MACF1: variants seen among roughly 807,000 people sequenced by gnomAD.
The protein encoded by MACF1 is microtubule-actin cross-linking factor 1.
Under a neutral mutation model 854.8 loss-of-function variants are expected in MACF1, and 193 were observed. The ratio of observed to expected loss-of-function variants is 0.23; its 90% CI spans 0.20 to 0.25. The LOEUF is 0.25. MACF1 is among the 10% of genes least tolerant of loss of function. The probability of loss-of-function intolerance (pLI) is 1.00; values close to 1 mark genes in which losing one functional copy is unlikely to be tolerated. For synonymous variants in MACF1, 3,185 were observed against 3,226.7 expected (o/e 0.99, Z 0.44); for missense variants, 7,722 against 8,929.1 (o/e 0.86, Z 5.45).
chr1:39,245,449 T>C (rs1431336485), intron 2 of MACF1, among the ~76,000 whole-genome samples: 2 of 152,106 alleles, frequency 1.3e-5, no homozygotes, highest in African/African-American at 4.8e-5. Flanking sequence ...CACAACTTTT[T>C]TGTATTTTTA....
chr1:39,124,377 T>C (rs147633906), intron 2 of MACF1, among the ~76,000 whole-genome samples: 34 of 152,194 alleles, frequency 2.2e-4, no homozygotes, highest in African/African-American at 7.7e-4. Flanking sequence ...ATATGTGTAA[T>C]AGGGGAACTC....
At chr1:39,429,004 G>A (rs1415903625) in intron 63 of MACF1, among the ~76,000 whole-genome samples, 2 of 152,150 alleles carry the variant, frequency 1.3e-5, no homozygotes, top group African/African-American at 2.4e-5. Context: ...TGGTAAAGCT[G>A]ATGTAATTCT....
intron 21 of MACF1, among the ~76,000 whole-genome samples, chr1:39,299,044 A>G (rs1184361411): frequency 1.3e-5 from 2 of 151,328 alleles, no homozygotes; most frequent in African/African-American, 4.9e-5. Flanking sequence ...TCTTTTCAGA[A>G]CTTTTACCAC....
At chr1:39,208,037 G>A (rs2148271607) in intron 1 of MACF1, among the ~76,000 whole-genome samples, 1 of 151,498 alleles carries the variant, frequency 6.6e-6, no homozygotes, top group East Asian at 1.9e-4. Context: ...GGAGGCTGAG[G>A]CAGGAGAACA....
intron 2 of MACF1, among the ~76,000 whole-genome samples, chr1:39,186,833 C>G (rs900054312): frequency 6.6e-6 from 1 of 151,896 alleles, no homozygotes; most frequent in African/African-American, 2.4e-5. Flanking sequence ...TAGTCTCAAA[C>G]TCCTGGCCTC....
intron 18 of MACF1, 119 bp downstream of exon 18, chr1:39,293,738 G>C (rs755565391): frequency 2.2e-6 from 2 of 900,886 alleles, no homozygotes; most frequent in African/African-American, 3.4e-5. Flanking sequence ...AGAAATAGGG[G>C]CCCTACTCAA....
intron 20 of MACF1, 33 bp downstream of exon 20, chr1:39,295,915 T>C (rs753811316): frequency 6.4e-7 from 1 of 1,552,282 alleles, no homozygotes; most frequent in East Asian, 2.3e-5. Flanking sequence ...TGTGTGTGTG[T>C]ACATATGTAT....
Position 39,412,895 on chromosome 1 carries a change from C to G in MACF1, c.15817-9479C>G, listed in dbSNP as rs74066781. 5.8e-3 allele frequency: 9,261 copies of G among 1,609,490 alleles called. 407 individuals carry two copies. The African/African-American group carries it at 0.1, about 18-fold the overall frequency. ...ACTGCTGTAGTTGCTGCTTTAGTGC[C>G]CTTTCCACATGAGGACATCCTAGTT... On this transcript the variant is annotated intron_variant, in intron 58 of 100. Transcript: ENST00000564288.
At position 39,422,065 on chromosome 1, in the gene MACF1, A is replaced by C. The variant is rs1643560488; in HGVS notation, c.15817-309A>C. On this transcript the variant is annotated intron_variant, in intron 58 of 100. Coordinates refer to ENST00000564288, the MANE Select transcript of MACF1 (RefSeq NM_001394062.1). ...ACTCCAGCCTGGGCGACAGAGCGAGACTCTGTCTCCAAAAAAAACAAAAAA... is the reference window on the plus strand; with the variant it reads ...ACTCCAGCCTGGGCGACAGAGCGAGCCTCTGTCTCCAAAAAAAACAAAAAA... Among the ~76,000 whole-genome samples, 2 of 151,942 alleles carry C rather than the reference A, an allele frequency of 1.3e-5. 1 individual carries two copies. Among genetic ancestry groups the C allele is most frequent in the Admixed American group, 1.3e-4 (2 of 15,248 alleles).
Position 39,388,561 on chromosome 1 carries a change from T to A in MACF1, c.15719T>A (p.Leu5240His). 1 of 1,614,028 alleles carries A rather than the reference T, an allele frequency of 6.2e-7. No individual in the cohort carries two copies. Among genetic ancestry groups the A allele is most frequent in the Non-Finnish European group, 8.5e-7 (1 of 1,180,008 alleles). ...GACTTCTACAGGAAATTGAAAGGAC[T>A]CAATGACGCGACCACAGCAGCAGAG... ...VEDFYRKLKG[L>H]NDATTAAEEA... The change falls in exon 58 of 101, where the codon CTC (leucine) becomes CAC (histidine). Residue 5240 changes from leucine (L) to histidine (H), a missense_variant. Physicochemically the swap from Leu to His is moderately conservative, Grantham distance 99. Transcript: ENST00000564288.
chr1:39,430,923 AC>A lies in MACF1; in HGVS notation c.17337+17del. ...GATCACAACAGGTAATGCTTATAAT[AC>A]CTCTGCATTAATATTTTAGACAGTA... On this transcript the variant is annotated intron_variant, in intron 66 of 100. Transcript: ENST00000564288. 1 of 1,599,884 alleles carries A rather than the reference AC, an allele frequency of 6.3e-7. No homozygotes were observed. The highest frequency in any genetic ancestry group is 8.6e-7 in the Non-Finnish European group (1 of 1,168,748).
In MACF1 at chr1:39,176,109, CAAAA is replaced by C. The variant is rs773763271; in HGVS notation, c.221-55058_221-55055del. Among the ~76,000 whole-genome samples the C allele has an allele frequency of 2.2e-3, 29 of 13,348 alleles. 6 individuals are homozygous for C. The Admixed American group carries it at 0.049, about 23-fold the overall frequency. The allele number at this position is 13,348 out of a possible 152,430, so 8.8% of individuals were successfully genotyped here. A position where few individuals can be genotyped will look rare whatever the true frequency, so the allele number is the denominator to read the frequency against. ...TGGGCGACAGAGCGAGACTCCTTCT[CAAAA>C]AAAAAAAAAAAAAAGCCAGGTGTGG... On this transcript the variant is annotated intron_variant, in intron 2 of 93. Coordinates refer to the MACF1 transcript ENST00000361689.
At chr1:39,411,294 C>A in intron 58 of MACF1, 1 of 1,613,990 alleles carries the variant, frequency 6.2e-7, no homozygotes, top group South Asian at 1.1e-5. Context: ...AACTGTCAGA[C>A]AGGGAAAAGA....
At chr1:39,243,732 C>G (rs957530472) in intron 2 of MACF1, among the ~76,000 whole-genome samples, 3 of 152,142 alleles carry the variant, frequency 2.0e-5, no homozygotes, top group Non-Finnish European at 2.9e-5. Flanking sequence ...GTCCACTGGT[C>G]ATTTTCCTAA....
chr1:39,434,673 G>T lies in MACF1; in HGVS notation c.17784+41G>T, dbSNP rs767760231. On this transcript the variant is annotated intron_variant, in intron 69 of 100. Coordinates refer to ENST00000564288, the MANE Select transcript of MACF1 (RefSeq NM_001394062.1). ...AGTTTCATTTTATTGTTCTAAAATG[G>T]TCTCTATAATTTATTTAAAAACAAC... The T allele has an allele frequency of 4.5e-6, 7 of 1,559,608 alleles. No homozygotes were observed. The Admixed American group carries it at 8.6e-5, about 19-fold the overall frequency.
chr1:39,352,966 T>C (rs201357373), intron 43 of MACF1, 41 bp from the exon 44 acceptor site: 2 of 1,421,298 alleles, frequency 1.4e-6, no homozygotes, highest in East Asian at 4.6e-5. Flanking sequence ...TATGATTGAG[T>C]ATGTAAAGCC....
intron 58 of MACF1, among the ~76,000 whole-genome samples, chr1:39,407,856 TG>T (rs779239252): frequency 2.6e-5 from 4 of 152,208 alleles, no homozygotes; most frequent in African/African-American, 4.8e-5. Flanking sequence ...TTTTAATAGA[TG>T]TTTTTTTCCT....
chr1:39,328,510 A>T (rs568362332), intron 36 of MACF1: 1 of 152,324 alleles, frequency 6.6e-6, no homozygotes, highest in African/African-American at 2.4e-5. Flanking sequence ...CCTTGCTTAC[A>T]AGTTTCACTA....
rs753142660 is a variant in MACF1 at position 39,430,074 on chromosome 1, C to T, written c.17130+6C>T. On this transcript the variant is annotated splice_donor_region_variant and intron_variant, in intron 65 of 100. Transcript: ENST00000564288. Reference sequence around the variant, plus strand: ...AGTTTCAGCAGAGACAGAAGGTGAGCTGTTACTTTACCATAAAAAGAAAAA... The same window carrying T: ...AGTTTCAGCAGAGACAGAAGGTGAGTTGTTACTTTACCATAAAAAGAAAAA... The T allele has an allele frequency of 1.2e-6, 2 of 1,608,920 alleles. No individual in the cohort carries two copies. The highest frequency in any genetic ancestry group is 1.1e-5 in the South Asian group (1 of 90,176).
Sources: gnomAD v4.1 joint callset for allele counts (sites outside exome capture counted in the v4.1 genomes callset) on GRCh38, gnomAD v4.1.1 for gene constraint, MANE v1.5 for transcripts, NCBI Gene and HGNC (gene_info 2026-07-23, HGNC 2026-07-21) for gene names.